CNBD1: variants seen among roughly 807,000 people sequenced by gnomAD.
The protein encoded by CNBD1 is cyclic nucleotide binding domain containing 1, also known as cyclic nucleotide-binding domain-containing protein 1.
Under a neutral mutation model 54.4 loss-of-function variants are expected in CNBD1, and 71 were observed. That is an observed-to-expected ratio of 1.30 (90% CI 1.08 to 1.59). The LOEUF (loss-of-function observed/expected upper bound fraction) is 1.59. Among genes scored for constraint, CNBD1 ranks in the 40% most tolerant of loss-of-function variants. CNBD1 has a pLI of 0.00. For synonymous variants in CNBD1, 182 were observed against 170.7 expected (o/e 1.07, Z -0.51); for missense variants, 659 against 518.0 (o/e 1.27, Z -2.64).
chr8:86,900,983 A>C (rs1275138885), intron 2 of CNBD1, among the ~76,000 whole-genome samples: 4 of 152,148 alleles, frequency 2.6e-5, no homozygotes, highest in African/African-American at 9.7e-5. Flanking sequence ...GAAGGCATAA[A>C]ATCATTGGCT....
chr8:86,917,425 G>T (rs1030102747), intron 3 of CNBD1, among the ~76,000 whole-genome samples: 4 of 152,194 alleles, frequency 2.6e-5, no homozygotes, highest in African/African-American at 9.6e-5. Flanking sequence ...GAATAGTACA[G>T]AACTGGTGGA....
chr8:86,880,486 T>C (rs1000693814), intron 1 of CNBD1, among the ~76,000 whole-genome samples: 15 of 152,186 alleles, frequency 9.9e-5, no homozygotes, highest in African/African-American at 3.6e-4. Context: ...GCATAGGTTA[T>C]CTGAAAATAT....
chr8:87,221,701 T>C (rs1194971166), intron 5 of CNBD1, among the ~76,000 whole-genome samples: 2 of 152,154 alleles, frequency 1.3e-5, no homozygotes, highest in African/African-American at 4.8e-5. Flanking sequence ...AGAAGAGTAT[T>C]TATTTTTATT....
At chr8:87,173,805 A>C (rs1359648934) in intron 4 of CNBD1, among the ~76,000 whole-genome samples, 1 of 151,416 alleles carries the variant, frequency 6.6e-6, no homozygotes. Context: ...AACTTTCTCT[A>C]GGTTTGGAAA....
chr8:86,900,097 G>C (rs1213061800), intron 2 of CNBD1, among the ~76,000 whole-genome samples: 1 of 152,106 alleles, frequency 6.6e-6, no homozygotes, highest in Admixed American at 6.6e-5. Flanking sequence ...TGTTATGCAG[G>C]ATATGTGCAA....
chr8:87,181,378 C>G (rs1813307929), intron 4 of CNBD1, among the ~76,000 whole-genome samples: 1 of 152,166 alleles, frequency 6.6e-6, no homozygotes, highest in African/African-American at 2.4e-5. Context: ...ATTCCTTGTG[C>G]ATCTCTACAA....
intron 8 of CNBD1, among the ~76,000 whole-genome samples, chr8:87,350,068 T>C (rs1024402396): frequency 1.3e-5 from 2 of 152,220 alleles, no homozygotes; most frequent in Non-Finnish European, 2.9e-5. Context: ...TGCTAGGAGC[T>C]TCTATGCCTT....
chr8:87,233,470 T>C (rs1433001571), intron 5 of CNBD1, among the ~76,000 whole-genome samples: 1 of 152,172 alleles, frequency 6.6e-6, no homozygotes, highest in African/African-American at 2.4e-5. Context: ...TTTAAAAATA[T>C]ATATACCTTA....
chr8:87,395,450 A>G (rs1384834534), intron 2 of CNBD1, among the ~76,000 whole-genome samples: 1 of 151,916 alleles, frequency 6.6e-6, no homozygotes, highest in Non-Finnish European at 1.5e-5. Context: ...ACATGTATTC[A>G]TTTTCTAATA....
rs144043468 is a variant in CNBD1, at chr8:87,416,492, C to A, written c.214-12054C>A. Among the ~76,000 whole-genome samples the A allele has an allele frequency of 1.2e-3, 181 of 152,070 alleles. 1 individual carries two copies. Among genetic ancestry groups the A allele is most frequent in the African/African-American group, 4.0e-3 (168 of 41,512 alleles). ...GCTCTGGGGAAGCCTTGAAAAACAA[C>A]GGCTCCAATCATGGAGGAAACTGGA... On this transcript the variant is annotated intron_variant, in intron 2 of 7. Coordinates refer to the CNBD1 transcript ENST00000521593.
intron 2 of CNBD1, among the ~76,000 whole-genome samples, chr8:86,902,603 A>G (rs980259716): frequency 2.0e-5 from 3 of 151,922 alleles, no homozygotes; most frequent in African/African-American, 2.4e-5. Context: ...GTAAACCTAT[A>G]TATTTTGAAT....
intron 4 of CNBD1, among the ~76,000 whole-genome samples, chr8:87,095,839 A>G (rs1217024297): frequency 2.0e-5 from 3 of 152,090 alleles, no homozygotes; most frequent in African/African-American, 7.2e-5. Flanking sequence ...TTGTATTTTT[A>G]GTAGAGACGG....
chr8:87,175,540 C>A (rs991812325), intron 4 of CNBD1, among the ~76,000 whole-genome samples: 1 of 152,132 alleles, frequency 6.6e-6, no homozygotes, highest in Non-Finnish European at 1.5e-5. Context: ...AAATGTCATC[C>A]AAGAGCTAAG....
At chr8:87,226,140 T>C (rs1267497061) in intron 5 of CNBD1, among the ~76,000 whole-genome samples, 2 of 152,214 alleles carry the variant, frequency 1.3e-5, no homozygotes, top group Non-Finnish European at 2.9e-5. Flanking sequence ...TTTTTTTCTT[T>C]ATTAGTCTTG....
At chr8:87,247,524 A>G (rs965718492) in intron 6 of CNBD1, among the ~76,000 whole-genome samples, 2 of 152,186 alleles carry the variant, frequency 1.3e-5, no homozygotes, top group African/African-American at 4.8e-5. Context: ...TCTCCCCTGG[A>G]GTGACAGATT....
At position 87,061,347 on chromosome 8, in the gene CNBD1, T is replaced by A. The variant is rs1328626292; in HGVS notation, c.431+121593T>A. On this transcript the variant is annotated intron_variant, in intron 4 of 10. Coordinates refer to ENST00000518476, the MANE Select transcript of CNBD1 (RefSeq NM_173538.3). ...TTATTTGGATTTGAGTGACCTGAAG[T>A]GCATTAACAGCAGATTCCATAATAA... Among the ~76,000 whole-genome samples the A allele has an allele frequency of 2.0e-5, 3 of 152,328 alleles. No individual in the cohort carries two copies. In the East Asian group the frequency reaches 5.8e-4, roughly 29 times the overall value.
At chr8:86,894,034 A>AT (rs1372102651) in intron 2 of CNBD1, among the ~76,000 whole-genome samples, 4 of 91,662 alleles carry the variant, frequency 4.4e-5, no homozygotes, top group East Asian at 3.1e-4. Context: ...TTAATAGATT[A>AT]ATTTTTTTTT....
intron 8 of CNBD1, among the ~76,000 whole-genome samples, chr8:87,316,502 C>G (rs777538659): frequency 4.0e-5 from 6 of 151,856 alleles, no homozygotes; most frequent in Non-Finnish European, 8.8e-5. Flanking sequence ...TTAACCAAAC[C>G]TATGAAAAGT....
At chr8:87,286,142 T>C (rs553693837) in intron 7 of CNBD1, among the ~76,000 whole-genome samples, 3 of 152,302 alleles carry the variant, frequency 2.0e-5, no homozygotes, top group East Asian at 3.9e-4. Flanking sequence ...TGATGTTTAT[T>C]TGTTTTGATT....
Sources: allele counts gnomAD v4.1 joint callset (sites outside exome capture counted in the v4.1 genomes callset), GRCh38; gene constraint gnomAD v4.1.1; transcripts MANE v1.5; gene names NCBI Gene and HGNC (gene_info 2026-07-23, HGNC 2026-07-21).